The following SVEP1 variants were observed in gnomAD, a reference collection of about 807,000 sequenced individuals.
The protein encoded by SVEP1 is sushi, von Willebrand factor type A, EGF and pentraxin domain-containing protein 1.
A neutral mutation model predicts 367.3 loss-of-function variants in SVEP1; 164 were observed. The ratio of observed to expected loss-of-function variants is 0.45; its 90% CI spans 0.39 to 0.51. SVEP1 has a LOEUF of 0.51. Ranked by LOEUF, SVEP1 falls within the 20% of genes least tolerant of loss-of-function variation. The pLI, the probability that SVEP1 is intolerant of heterozygous loss-of-function variation, is 0.00. For missense variants in SVEP1, 4,117 were observed against 4,425.3 expected (o/e 0.93, Z 1.98); for synonymous variants, 1,666 against 1,611.6 (o/e 1.03, Z -0.81).
intron 3 of SVEP1, among the ~76,000 whole-genome samples, chr9:110,525,264 G>T (rs947192756): frequency 1.3e-5 from 2 of 152,120 alleles, no homozygotes; most frequent in African/African-American, 4.8e-5. Context: ...AAGCAAAGTT[G>T]CAGGACACAA....
At chr9:110,511,265 G>A (rs1470054485) in intron 5 of SVEP1, among the ~76,000 whole-genome samples, 1 of 151,944 alleles carries the variant, frequency 6.6e-6, no homozygotes, top group Non-Finnish European at 1.5e-5. Context: ...TTCAGCTCAG[G>A]GATATATCTT....
At chr9:110,437,207 G>T (rs1035137076) in intron 27 of SVEP1, among the ~76,000 whole-genome samples, 13 of 152,214 alleles carry the variant, frequency 8.5e-5, no homozygotes, top group African/African-American at 2.9e-4. Flanking sequence ...GGATGAGAGA[G>T]AACTTGAAAC....
At chr9:110,458,431 A>G (rs1326317029) in intron 20 of SVEP1, 40 bp downstream of exon 20, 1 of 1,556,688 alleles carries the variant, frequency 6.4e-7, no homozygotes, top group East Asian at 2.3e-5. Context: ...TTGCTTTCCA[A>G]GCATTCCACT....
intron 47 of SVEP1, chr9:110,369,620 G>C (rs1022596061): frequency 4.4e-6 from 1 of 226,502 alleles, no homozygotes; most frequent in East Asian, 9.0e-5. Flanking sequence ...ACAAATTTGT[G>C]TGTCATCCTC....
intron 22 of SVEP1, among the ~76,000 whole-genome samples, chr9:110,452,159 G>T (rs1828703861): frequency 6.6e-6 from 1 of 152,100 alleles, no homozygotes; most frequent in Non-Finnish European, 1.5e-5. Context: ...AATAAAGGTT[G>T]TTTTTTGAGA....
intron 1 of SVEP1, among the ~76,000 whole-genome samples, chr9:110,567,551 T>G (rs893908032): frequency 3.9e-5 from 6 of 152,244 alleles, no homozygotes; most frequent in African/African-American, 1.4e-4. Context: ...TCTCAAATGC[T>G]GGCCCATGTG....
chr9:110,480,585 T>C (rs1163840457), intron 12 of SVEP1, among the ~76,000 whole-genome samples: 1 of 152,122 alleles, frequency 6.6e-6, no homozygotes, highest in East Asian at 1.9e-4. Context: ...CCATCATGTA[T>C]GTTAGATTTT....
rs199993986 is a variant in SVEP1, at chr9:110,511,488, CTTTTTTTTTTTTTTTTTTTTTTTTT to C, written c.1303+1413_1303+1437del. On this transcript the variant is annotated intron_variant, in intron 5 of 47. Transcript: ENST00000374469. ...CTAGGTCCATTCATTGTGTCAGTAC[CTTTTTTTTTTTTTTTTTTTTTTTTT>C]TTTTTTTTTTTTTACTTCTAATACA... Among the ~76,000 whole-genome samples the C allele has an allele frequency of 2.9e-3, 226 of 77,576 alleles. 1 individual carries two copies. The East Asian group carries it at 0.055, about 19-fold the overall frequency. The allele number at this position is 77,576 out of a possible 152,430, so 50.9% of individuals were successfully genotyped here.
chr9:110,450,406 C>T (rs1828674161), intron 23 of SVEP1, 146 bp from the exon 24 acceptor site: 3 of 676,792 alleles, frequency 4.4e-6, no homozygotes, highest in East Asian at 6.0e-5. Context: ...GAGATCCATT[C>T]TGTAATGGGC....
chr9:110,546,586 G>A (rs978312405), intron 2 of SVEP1, among the ~76,000 whole-genome samples: 1 of 152,158 alleles, frequency 6.6e-6, no homozygotes, highest in African/African-American at 2.4e-5. Context: ...AGATGCTGCA[G>A]GAAACAGTGC....
intron 36 of SVEP1, among the ~76,000 whole-genome samples, chr9:110,418,895 C>T (rs1200962787): frequency 8.8e-6 from 1 of 114,126 alleles, no homozygotes; most frequent in Admixed American, 9.2e-5. Context: ...AAATAAAATA[C>T]TTTATAGACA....
chr9:110,453,725 C>T (rs1027451528), intron 22 of SVEP1, among the ~76,000 whole-genome samples: 1 of 151,712 alleles, frequency 6.6e-6, no homozygotes, highest in Admixed American at 6.6e-5. Flanking sequence ...AAAAATTAGC[C>T]GGGCATGGTG....
rs202015175 is a variant in SVEP1 at position 110,472,342 on chromosome 9, G to A, written c.2600-19C>T. The A allele has an allele frequency of 4.6e-5, 65 of 1,409,394 alleles. 1 individual carries two copies. The East Asian group carries it at 1.3e-3, about 28-fold the overall frequency. 87.3% of individuals were successfully genotyped at this position (1,409,394 alleles called of 1,614,324 possible). A position where few individuals can be genotyped will look rare whatever the true frequency, so the allele number is the denominator to read the frequency against. On this transcript the variant is annotated intron_variant, in intron 14 of 47. Coordinates refer to ENST00000374469, the MANE Select transcript of SVEP1 (RefSeq NM_153366.4). ...CCTGGTCCTGGATAGTCGGGGCAGAGACACAAATGATCACACAGTTGCTTT... is the reference window on the plus strand; with the variant it reads ...CCTGGTCCTGGATAGTCGGGGCAGAAACACAAATGATCACACAGTTGCTTT...
rs185633813 is a variant in SVEP1, at chr9:110,400,961, C to G, written c.9715G>C (p.Val3239Leu). The G allele has an allele frequency of 6.2e-7, 1 of 1,613,884 alleles. No homozygotes were observed. Among genetic ancestry groups the G allele is most frequent in the East Asian group, 2.2e-5 (1 of 44,864 alleles). ...PPFSDESCSP[V>L]SCGKPESPEH... ...GGACTTTCAGGTTTCCCACAAGAAA[C>G]TGGACTGCAAGATTCATCGGAGAAT... Residue 3239 changes from valine (V) to leucine (L), a missense_variant, in exon 40 of 48, where the codon GTT (valine) becomes CTT (leucine). Transcript: ENST00000374469.
intron 3 of SVEP1, among the ~76,000 whole-genome samples, chr9:110,529,657 T>A (rs1313183827): frequency 1.3e-5 from 2 of 152,114 alleles, no homozygotes; most frequent in Non-Finnish European, 2.9e-5. Flanking sequence ...TTATTTGATT[T>A]TCAGCTTGAT....
intron 1 of SVEP1, among the ~76,000 whole-genome samples, chr9:110,559,634 A>G (rs928086320): frequency 6.6e-6 from 1 of 152,110 alleles, no homozygotes; most frequent in African/African-American, 2.4e-5. Context: ...TAATATTTGG[A>G]GGACGGTTTG....
intron 3 of SVEP1, among the ~76,000 whole-genome samples, chr9:110,539,615 G>GTATA (rs10655944): frequency 1.2e-3 from 181 of 150,108 alleles, no homozygotes; most frequent in East Asian, 8.4e-3. Flanking sequence ...GATTTTTAAA[G>GTATA]TATATATATA....
At chr9:110,569,474 A>AAT (rs1371510959) in intron 1 of SVEP1, among the ~76,000 whole-genome samples, 1 of 151,294 alleles carries the variant, frequency 6.6e-6, no homozygotes, top group African/African-American at 2.4e-5. Flanking sequence ...AAAAAAAAAA[A>AAT]TTTGAGGCTA....
At chr9:110,454,183 T>C (rs1474522587) in intron 22 of SVEP1, among the ~76,000 whole-genome samples, 1 of 152,248 alleles carries the variant, frequency 6.6e-6, no homozygotes, top group Non-Finnish European at 1.5e-5. Flanking sequence ...ATTGATGCTT[T>C]CTTTTGCAGT....
Sources: allele counts gnomAD v4.1 joint callset (sites outside exome capture counted in the v4.1 genomes callset), GRCh38; gene constraint gnomAD v4.1.1; transcripts MANE v1.5; gene names NCBI Gene and HGNC (gene_info 2026-07-23, HGNC 2026-07-21).